Variants in CADPS2 observed in about 807,000 individuals in gnomAD.
The protein encoded by CADPS2 is calcium-dependent secretion activator 2.
Under a neutral mutation model 172.5 loss-of-function variants are expected in CADPS2, and 93 were observed. The ratio of observed to expected loss-of-function variants is 0.54; its 90% CI spans 0.46 to 0.64. The LOEUF is 0.64. Ranked by LOEUF, CADPS2 falls within the 30% of genes least tolerant of loss-of-function variation. CADPS2 has a pLI of 0.00. For missense variants in CADPS2, 1,420 were observed against 1,565.9 expected, an observed-to-expected ratio of 0.91 and a Z score of 1.57; for synonymous variants, 546 against 555.2, an observed-to-expected ratio of 0.98 and a Z score of 0.23.
intron 1 of CADPS2, among the ~76,000 whole-genome samples, chr7:122,740,857 A>G (rs2092432179): frequency 6.6e-6 from 1 of 152,236 alleles, no homozygotes; most frequent in African/African-American, 2.4e-5. Flanking sequence ...GACAAAATTG[A>G]TATGTTCAGA....
chr7:122,629,847 T>G (rs1319713654), intron 3 of CADPS2, among the ~76,000 whole-genome samples: 1 of 152,092 alleles, frequency 6.6e-6, no homozygotes, highest in Non-Finnish European at 1.5e-5. Context: ...TGCCAAGAAA[T>G]CCTTCCATTC....
intron 1 of CADPS2, among the ~76,000 whole-genome samples, chr7:122,874,235 G>A (rs1419181363): frequency 2.0e-5 from 3 of 151,936 alleles, no homozygotes; most frequent in Non-Finnish European, 4.4e-5. Flanking sequence ...GTCTGCCCTT[G>A]CCTATGTCCT....
At chr7:122,452,893 G>A (rs2053306868) in intron 14 of CADPS2, among the ~76,000 whole-genome samples, 1 of 152,022 alleles carries the variant, frequency 6.6e-6, no homozygotes, top group Non-Finnish European at 1.5e-5. Flanking sequence ...TCATATGTAT[G>A]TGTGTGTGTA....
intron 1 of CADPS2, among the ~76,000 whole-genome samples, chr7:122,746,081 T>C (rs2092708583): frequency 1.3e-5 from 2 of 152,204 alleles, no homozygotes; most frequent in Admixed American, 1.3e-4. Flanking sequence ...GGCTGTTGCA[T>C]TAAATGATAG....
intron 1 of CADPS2, among the ~76,000 whole-genome samples, chr7:122,746,628 GACAC>G (rs60569506): frequency 0.48 from 71,916 of 150,442 alleles, 19,044 homozygotes; most frequent in African/African-American, 0.73. Context: ...AAAACACACA[GACAC>G]ACACACACAG....
intron 2 of CADPS2, among the ~76,000 whole-genome samples, chr7:122,718,821 G>A (rs991076975): frequency 2.6e-5 from 4 of 152,128 alleles, no homozygotes; most frequent in Admixed American, 6.6e-5. Flanking sequence ...GGATAACAGA[G>A]AACAGATACA....
At chr7:122,551,029 A>C (rs1031557934) in intron 8 of CADPS2, among the ~76,000 whole-genome samples, 1 of 152,122 alleles carries the variant, frequency 6.6e-6, no homozygotes, top group East Asian at 1.9e-4. Context: ...TTTCATTTAC[A>C]TGTAGTTAGT....
At chr7:122,796,943 A>T (rs1156632093) in intron 1 of CADPS2, among the ~76,000 whole-genome samples, 1 of 152,208 alleles carries the variant, frequency 6.6e-6, no homozygotes, top group Non-Finnish European at 1.5e-5. Context: ...AAAATAGGAG[A>T]CAATTTTTGC....
At chr7:122,362,902 C>T (rs939922074) in intron 25 of CADPS2, among the ~76,000 whole-genome samples, 1 of 152,162 alleles carries the variant, frequency 6.6e-6, no homozygotes, top group South Asian at 2.1e-4. Context: ...TTCTCCATCA[C>T]ATCATTTGCG....
intron 28 of CADPS2, among the ~76,000 whole-genome samples, chr7:122,343,550 C>A (rs533327659): frequency 6.6e-6 from 1 of 152,264 alleles, no homozygotes; most frequent in African/African-American, 2.4e-5. Flanking sequence ...AAAACTTCTA[C>A]CTTTATAATG....
At chr7:122,336,752 G>T (rs1379662731) in intron 28 of CADPS2, among the ~76,000 whole-genome samples, 1 of 152,162 alleles carries the variant, frequency 6.6e-6, no homozygotes, top group Non-Finnish European at 1.5e-5. Flanking sequence ...TGAAAGTTGT[G>T]TCACCTTCCA....
intron 20 of CADPS2, among the ~76,000 whole-genome samples, chr7:122,404,569 C>T (rs1229403119): frequency 6.6e-6 from 1 of 152,202 alleles, no homozygotes; most frequent in East Asian, 1.9e-4. Flanking sequence ...AATCACCACA[C>T]TGACTTCCAC....
chr7:122,708,715 A>T (rs1275004256), intron 2 of CADPS2, among the ~76,000 whole-genome samples: 1 of 151,778 alleles, frequency 6.6e-6, no homozygotes, highest in Non-Finnish European at 1.5e-5. Context: ...CTTCATTCAG[A>T]ATTCAAGTCA....
intron 1 of CADPS2, among the ~76,000 whole-genome samples, chr7:122,747,365 T>A (rs1017096712): frequency 6.6e-6 from 1 of 152,142 alleles, no homozygotes; most frequent in East Asian, 1.9e-4. Flanking sequence ...GAGCCTGTCA[T>A]AAGCCAGAGA....
intron 15 of CADPS2, among the ~76,000 whole-genome samples, chr7:122,447,029 CT>C (rs2052325138): frequency 1.6e-5 from 2 of 124,554 alleles, no homozygotes; most frequent in South Asian, 5.1e-4. Context: ...AAGTAGCTCC[CT>C]CTTTTTTTTT....
intron 6 of CADPS2, among the ~76,000 whole-genome samples, chr7:122,610,823 A>G (rs2074202661): frequency 6.6e-6 from 1 of 152,154 alleles, no homozygotes; most frequent in Non-Finnish European, 1.5e-5. Context: ...GGACCATGAA[A>G]GAGCTTCCCA....
chr7:122,513,842 A>G (rs554208197), intron 8 of CADPS2, among the ~76,000 whole-genome samples: 12 of 152,274 alleles, frequency 7.9e-5, no homozygotes, highest in Non-Finnish European at 1.6e-4. Context: ...GCTGATTTCT[A>G]AGGTCTCTGC....
chr7:122,856,963 T>C (rs1356617502), intron 1 of CADPS2, among the ~76,000 whole-genome samples: 1 of 152,226 alleles, frequency 6.6e-6, no homozygotes, highest in Non-Finnish European at 1.5e-5. Flanking sequence ...ACTTCTAATA[T>C]AATATTTCCA....
At chr7:122,411,733 T>C (rs1267412354) in intron 19 of CADPS2, among the ~76,000 whole-genome samples, 1 of 152,122 alleles carries the variant, frequency 6.6e-6, no homozygotes, top group African/African-American at 2.4e-5. Context: ...CCCCTGCCCC[T>C]GCCACACACA....
Sources: allele counts gnomAD v4.1 joint callset (sites outside exome capture counted in the v4.1 genomes callset), GRCh38; gene constraint gnomAD v4.1.1; transcripts MANE v1.5; gene names NCBI Gene and HGNC (gene_info 2026-07-23, HGNC 2026-07-21).